Variants in DACH1 observed in about 807,000 individuals in gnomAD.
DACH1 encodes dachshund homolog 1.
DACH1 carries 12 observed loss-of-function variants against 54.2 expected under a neutral mutation model. That is an observed-to-expected ratio of 0.22 (90% CI 0.14 to 0.36). The LOEUF (loss-of-function observed/expected upper bound fraction) is 0.36. Ranked by LOEUF, DACH1 falls within the 10% of genes least tolerant of loss-of-function variation. The probability of loss-of-function intolerance (pLI) is 1.00; values close to 1 mark genes in which losing one functional copy is unlikely to be tolerated. For synonymous variants in DACH1, 386 were observed against 366.2 expected (o/e 1.05, Z -0.62); for missense variants, 805 against 929.8 (o/e 0.87, Z 1.75).
chr13:71,529,640 CT>C (rs1318538448), intron 6 of DACH1, among the ~76,000 whole-genome samples: 1 of 152,120 alleles, frequency 6.6e-6, no homozygotes. Context: ...TTTCAGATAA[CT>C]TTTTCATATA....
At chr13:71,502,461 C>A (rs939288727) in intron 6 of DACH1, among the ~76,000 whole-genome samples, 1 of 152,140 alleles carries the variant, frequency 6.6e-6, no homozygotes, top group Non-Finnish European at 1.5e-5. Context: ...GCTAACCATA[C>A]CAACAAGGTC....
intron 3 of DACH1, among the ~76,000 whole-genome samples, chr13:71,621,177 T>A (rs918153322): frequency 6.6e-6 from 1 of 152,030 alleles, no homozygotes; most frequent in East Asian, 1.9e-4. Context: ...AGCCTACAAA[T>A]GACCCCAAGG....
intron 2 of DACH1, among the ~76,000 whole-genome samples, chr13:71,657,349 G>T (rs1469250556): frequency 6.6e-6 from 1 of 151,614 alleles, no homozygotes; most frequent in African/African-American, 2.4e-5. Context: ...AAAATTAGCT[G>T]GGCATGGTGG....
chr13:71,840,853 A>G (rs183330444), intron 1 of DACH1, among the ~76,000 whole-genome samples: 2 of 152,296 alleles, frequency 1.3e-5, no homozygotes, highest in African/African-American at 2.4e-5. Flanking sequence ...GATGTGATGT[A>G]TGGGCTTGGA....
chr13:71,797,637 A>G (rs1467385520), intron 1 of DACH1, among the ~76,000 whole-genome samples: 1 of 152,076 alleles, frequency 6.6e-6, no homozygotes, highest in African/African-American at 2.4e-5. Flanking sequence ...GGTGCTGAGG[A>G]GAAGTAGGGC....
intron 1 of DACH1, among the ~76,000 whole-genome samples, chr13:71,755,375 C>T (rs1330876400): frequency 6.6e-6 from 1 of 152,172 alleles, no homozygotes; most frequent in Non-Finnish European, 1.5e-5. Context: ...TTTCACAGAA[C>T]TCTCTTTCAA....
intron 6 of DACH1, among the ~76,000 whole-genome samples, chr13:71,533,758 T>TCACACACACAAACACACA (rs1408894418): frequency 1.3e-5 from 2 of 148,952 alleles, no homozygotes; most frequent in African/African-American, 5.1e-5. Flanking sequence ...TGAGTGTGTG[T>TCACACACACAAACACACA]CACACACACA....
chr13:71,700,957 T>C (rs1182612546), intron 1 of DACH1, among the ~76,000 whole-genome samples: 2 of 152,182 alleles, frequency 1.3e-5, no homozygotes, highest in Non-Finnish European at 2.9e-5. Flanking sequence ...AAGTATTTTC[T>C]AGGAACCTTT....
At chr13:71,807,247 T>G (rs1473043170) in intron 1 of DACH1, among the ~76,000 whole-genome samples, 1 of 152,160 alleles carries the variant, frequency 6.6e-6, no homozygotes, top group Non-Finnish European at 1.5e-5. Flanking sequence ...ATGGCATGTT[T>G]ATATCCAACA....
At chr13:71,834,292 G>T (rs1888698259) in intron 1 of DACH1, among the ~76,000 whole-genome samples, 1 of 152,022 alleles carries the variant, frequency 6.6e-6, no homozygotes, top group African/African-American at 2.4e-5. Flanking sequence ...GCAGTGGAAA[G>T]AGAATGGGTG....
At chr13:71,728,561 A>G (rs1883588771) in intron 1 of DACH1, among the ~76,000 whole-genome samples, 1 of 152,072 alleles carries the variant, frequency 6.6e-6, no homozygotes, top group Admixed American at 6.6e-5. Context: ...TACATTTAAC[A>G]TAGGAGAAAT....
intron 1 of DACH1, among the ~76,000 whole-genome samples, chr13:71,737,124 G>T (rs531548128): frequency 1.3e-5 from 2 of 152,074 alleles, no homozygotes; most frequent in Non-Finnish European, 2.9e-5. Context: ...TTGGGAGGCT[G>T]AGGCAGAAGA....
chr13:71,824,618 TC>T (rs1888312688), intron 1 of DACH1, among the ~76,000 whole-genome samples: 1 of 152,028 alleles, frequency 6.6e-6, no homozygotes, highest in African/African-American at 2.4e-5. Context: ...CTAGAGTTTT[TC>T]TTTTGGCTAA....
At chr13:71,537,430 T>C (rs967884035) in intron 6 of DACH1, among the ~76,000 whole-genome samples, 2 of 152,126 alleles carry the variant, frequency 1.3e-5, no homozygotes, top group African/African-American at 4.8e-5. Flanking sequence ...TACTTGCTTA[T>C]TGCTGATATC....
intron 2 of DACH1, 68 bp from the exon 3 acceptor site, chr13:71,630,785 G>T: frequency 6.9e-7 from 1 of 1,452,696 alleles, no homozygotes; most frequent in Non-Finnish European, 9.0e-7. Context: ...TCCTGTACTT[G>T]CTATAACCAA....
At chr13:71,741,753 T>G (rs1884397120) in intron 1 of DACH1, among the ~76,000 whole-genome samples, 1 of 152,160 alleles carries the variant, frequency 6.6e-6, no homozygotes, top group African/African-American at 2.4e-5. Flanking sequence ...TTAATTCTAT[T>G]TGAGTGATTT....
At chr13:71,722,584 T>C (rs563247951) in intron 1 of DACH1, among the ~76,000 whole-genome samples, 1 of 152,290 alleles carries the variant, frequency 6.6e-6, no homozygotes, top group East Asian at 1.9e-4. Context: ...TCTGTATGCA[T>C]TTAAAATAAT....
chr13:71,860,098 C>G (rs1874252917), intron 1 of DACH1, among the ~76,000 whole-genome samples: 1 of 151,570 alleles, frequency 6.6e-6, no homozygotes, highest in Non-Finnish European at 1.5e-5. Context: ...AGAAGGGTCT[C>G]CTTAATGCAG....
At chr13:71,777,984 GGTTGTGCCTAGA>G (rs1330105679) in intron 1 of DACH1, among the ~76,000 whole-genome samples, 1 of 151,728 alleles carries the variant, frequency 6.6e-6, no homozygotes, top group Non-Finnish European at 1.5e-5. Context: ...GGTAGTAAGG[GGTTGTGCCTAGA>G]GTCCCAGCTA....
Sources: gnomAD v4.1 joint callset for allele counts (sites outside exome capture counted in the v4.1 genomes callset) on GRCh38, gnomAD v4.1.1 for gene constraint, MANE v1.5 for transcripts, NCBI Gene and HGNC (gene_info 2026-07-23, HGNC 2026-07-21) for gene names.